QRFP: variants seen among roughly 807,000 people sequenced by gnomAD.
The protein encoded by QRFP is pyroglutamylated RFamide peptide, also known as orexigenic neuropeptide QRFP.
A neutral mutation model predicts 9.1 loss-of-function variants in QRFP; 7 were observed. That is an observed-to-expected ratio of 0.77 (90% CI 0.44 to 1.45). The LOEUF (loss-of-function observed/expected upper bound fraction) is 1.45. Ranked by LOEUF, QRFP falls within the 40% of genes most tolerant of loss-of-function variation. QRFP has a pLI of 0.01. For synonymous variants in QRFP, 91 were observed against 80.2 expected (o/e 1.13, Z -0.72); for missense variants, 204 against 185.4 (o/e 1.10, Z -0.58).
Position 130,896,612 on chromosome 9 carries a change from G to A in QRFP, c.-321C>T, listed in dbSNP as rs1378982986. 4 of 152,258 alleles carry A rather than the reference G, an allele frequency of 2.6e-5. No homozygotes were observed. Among genetic ancestry groups the A allele is most frequent in the Non-Finnish European group, 5.9e-5 (4 of 68,074 alleles). The allele number at this position is 152,258 out of a possible 1,614,324, so 9.4% of individuals were successfully genotyped here. A position where few individuals can be genotyped will look rare whatever the true frequency, so the allele number is the denominator to read the frequency against. ...CGGCTGCTGGGGGATCAGAAGTCAT[G>A]GGAATAGAGAGCCTGTGGACACTTC... is the stretch of plus-strand genomic sequence containing the variant. On this transcript the variant is annotated 5_prime_UTR_variant, in exon 1 of 3. Transcript: ENST00000623824.
intron 2 of QRFP, among the ~76,000 whole-genome samples, chr9:130,894,895 G>A (rs540612381): frequency 5.3e-5 from 8 of 152,254 alleles, no homozygotes; most frequent in South Asian, 4.1e-4. Flanking sequence ...CAATGACCGC[G>A]GGGGAGCTGG....
chr9:130,893,430 A>G lies in QRFP; in HGVS notation c.409T>C (p.Ter137ArgextTer35). The G allele has an allele frequency of 2.5e-6, 4 of 1,578,234 alleles. No homozygotes were observed. Among genetic ancestry groups the G allele is most frequent in the Non-Finnish European group, 3.5e-6 (4 of 1,157,798 alleles). ...GGFSFRFGRR[*>R] is the part of the protein sequence containing the mutation. The stretch of plus-strand genomic sequence containing the variant: ...TCCTTCCAAGGCGTCCTGGCCCTTC[A>G]CCGCCGACCGAAGCGGAAGCTGAAG... Residue 137 changes from the stop codon to arginine (R), a stop_lost, in exon 3 of 3, where the codon TGA becomes CGA. Coordinates refer to ENST00000623824, the MANE Select transcript of QRFP (RefSeq NM_198180.3).
In QRFP at chr9:130,895,777, G is replaced by A. The variant is rs11244179; in HGVS notation, c.-81C>T. 29,513 of 152,754 alleles carry A rather than the reference G, an allele frequency of 0.19. 3,464 individuals are homozygous for A. Among genetic ancestry groups the A allele is most frequent in the East Asian group, 0.48 (2,478 of 5,174 alleles). 9.5% of individuals were successfully genotyped at this position (152,754 alleles called of 1,614,324 possible). On this transcript the variant is annotated 5_prime_UTR_variant, in exon 2 of 3. Transcript: ENST00000623824. ...GCTGGGCTGGGCAGAGCTGCTCTGG[G>A]TCCTCGTCCAGGAGGCATGGCCCCT... is the stretch of plus-strand genomic sequence containing the variant.
At chr9:130,894,650 A>C (rs1454371460) in intron 2 of QRFP, among the ~76,000 whole-genome samples, 5 of 152,124 alleles carry the variant, frequency 3.3e-5, no homozygotes, top group Non-Finnish European at 7.4e-5. Context: ...CTCCTATTTC[A>C]CAGGGGTGGT....
rs758637478 is a variant in QRFP at position 130,893,502 on chromosome 9, C to G, written c.337G>C (p.Gly113Arg). ...AAGEKTSGPL[G>R]NLAEELNGYS... ...CCATTGAGCTCCTCAGCCAGGTTCC[C>G]TAACGGGCCGCTGGTCTTCTCCCCC... Residue 113 changes from glycine (G) to arginine (R), a missense_variant, in exon 3 of 3, where the codon GGG becomes CGG. Gly to Arg is a moderately radical substitution (Grantham distance 125, BLOSUM62 -2). Transcript: ENST00000623824. 3.1e-6 allele frequency: 5 copies of G among 1,611,282 alleles called. No individual in the cohort carries two copies. The highest frequency in any genetic ancestry group is 4.2e-6 in the Non-Finnish European group (5 of 1,178,570).
chr9:130,893,371 A>C lies in QRFP; in HGVS notation c.*57T>G. The C allele has an allele frequency of 2.7e-6, 4 of 1,495,162 alleles. No individual in the cohort carries two copies. The highest frequency in any genetic ancestry group is 3.6e-6 in the Non-Finnish European group (4 of 1,112,854). The allele number at this position is 1,495,162 out of a possible 1,614,324, so 92.6% of individuals were successfully genotyped here. ...CTTTGAGACTGGGGGAGAAGGCAGG[A>C]GTGAAGACAATGGGGGTGAGTCCAA... On this transcript the variant is annotated 3_prime_UTR_variant, in exon 3 of 3. Coordinates refer to ENST00000623824, the MANE Select transcript of QRFP (RefSeq NM_198180.3).
chr9:130,895,546 C>A (rs1001753442), intron 2 of QRFP, among the ~76,000 whole-genome samples, 151 bp downstream of exon 2: 1 of 152,250 alleles, frequency 6.6e-6, no homozygotes, highest in Non-Finnish European at 1.5e-5. Flanking sequence ...ATCTGTGCTG[C>A]TCTGGGCTGT....
chr9:130,893,819 AG>A lies in QRFP; in HGVS notation c.19del (p.Leu7Ter). 6.5e-7 allele frequency: 1 copy of A among 1,544,902 alleles called. No homozygotes were observed. The highest frequency in any genetic ancestry group is 2.3e-5 in the East Asian group (1 of 43,878). MVRPYP[L>X]IYFLFLPLGA... ...CAGCGGCAGGAAGAGGAAGTAGATC[AG>A]GGGGTAAGGCCTTACCATCTGACCC... On this transcript the variant is annotated frameshift_variant, in exon 3 of 3. Coordinates refer to ENST00000623824, the MANE Select transcript of QRFP (RefSeq NM_198180.3). LOFTEE classifies it high-confidence loss of function.
intron 2 of QRFP, among the ~76,000 whole-genome samples, chr9:130,894,832 G>T (rs929496480): frequency 1.3e-5 from 2 of 152,106 alleles, no homozygotes; most frequent in African/African-American, 4.8e-5. Flanking sequence ...CTCCTGTAAT[G>T]AACCTGCCTT....
chr9:130,894,646 T>C (rs1831733341), intron 2 of QRFP, among the ~76,000 whole-genome samples: 1 of 152,144 alleles, frequency 6.6e-6, no homozygotes, highest in African/African-American at 2.4e-5. Flanking sequence ...AACCCTCCTA[T>C]TTCACAGGGG....
intron 1 of QRFP, among the ~76,000 whole-genome samples, chr9:130,896,261 C>T (rs1051494323): frequency 1.3e-5 from 2 of 152,230 alleles, no homozygotes; most frequent in African/African-American, 2.4e-5. Context: ...TGCACCTCCC[C>T]GGCAGGTGGA....
Position 130,893,760 on chromosome 9 carries a change from G to A in QRFP, c.79C>T (p.Pro27Ser), listed in dbSNP as rs752958899. Residue 27 changes from proline to serine, a missense_variant, in exon 3 of 3, where the codon CCC becomes TCC. Physicochemically the swap from Pro to Ser is moderately conservative, Grantham distance 74. Coordinates refer to ENST00000623824, the MANE Select transcript of QRFP (RefSeq NM_198180.3). ...CCGAGGCCACCCATGGCGTCTGTGG[G>A]CTCTCTTCTGTCCAGTAGAGGGAAG... The part of the protein sequence containing the change: ...ACFPLLDRRE[P>S]TDAMGGLGAG... 6.2e-7 allele frequency: 1 copy of A among 1,606,094 alleles called. No homozygotes were observed. Among genetic ancestry groups the A allele is most frequent in the Non-Finnish European group, 8.5e-7 (1 of 1,176,742 alleles).
Position 130,893,315 on chromosome 9 carries a change from A to T in QRFP, c.*113T>A, listed in dbSNP as rs1335615925. ...TGTCCTACCATGGATCGTTCATCGT[A>T]ACCAAGCCTACATCATCTGGGTGTC... On this transcript the variant is annotated 3_prime_UTR_variant, in exon 3 of 3. Coordinates refer to ENST00000623824, the MANE Select transcript of QRFP (RefSeq NM_198180.3). The T allele has an allele frequency of 8.5e-7, 1 of 1,183,082 alleles. No individual in the cohort carries two copies. Among genetic ancestry groups the T allele is most frequent in the African/African-American group, 1.5e-5 (1 of 65,158 alleles). 73.3% of individuals were successfully genotyped at this position (1,183,082 alleles called of 1,614,324 possible).
Position 130,893,819 on chromosome 9 carries a change from A to AG in QRFP, c.19dup (p.Leu7ProfsTer90), listed in dbSNP as rs2133051305. ...CAGCGGCAGGAAGAGGAAGTAGATC[A>AG]GGGGGTAAGGCCTTACCATCTGACC... On this transcript the variant is annotated frameshift_variant, in exon 3 of 3. Coordinates refer to ENST00000623824, the MANE Select transcript of QRFP (RefSeq NM_198180.3). LOFTEE classifies it high-confidence loss of function. 9 of 1,544,902 alleles carry AG rather than the reference A, an allele frequency of 5.8e-6. No individual in the cohort carries two copies. Among genetic ancestry groups the AG allele is most frequent in the Non-Finnish European group, 7.9e-6 (9 of 1,145,942 alleles).
intron 2 of QRFP, 85 bp from the exon 3 acceptor site, chr9:130,893,923 G>GGCA (rs1161539771): frequency 7.4e-7 from 1 of 1,358,616 alleles, no homozygotes; most frequent in Admixed American, 2.5e-5. Context: ...GGGACAGGCT[G>GGCA]GCAGCGTAGA....
intron 2 of QRFP, among the ~76,000 whole-genome samples, chr9:130,894,399 C>T (rs7034278): frequency 0.062 from 9,464 of 152,180 alleles, 339 homozygotes; most frequent in Middle Eastern, 0.13. Context: ...CCACTGGGGC[C>T]TGGGCACCGT....
chr9:130,893,761 C>T lies in QRFP; in HGVS notation c.78G>A (p.Glu26=), dbSNP rs1417010583. ...CGAGGCCACCCATGGCGTCTGTGGG[C>T]TCTCTTCTGTCCAGTAGAGGGAAGC... The part of the protein sequence containing the change: ...GACFPLLDRR[E]PTDAMGGLGA... The change falls in exon 3 of 3, where the codon GAG becomes GAA. Residue 26 remains glutamate, a synonymous_variant. Transcript: ENST00000623824. 1 of 1,606,406 alleles carries T rather than the reference C, an allele frequency of 6.2e-7. No homozygotes were observed. The highest frequency in any genetic ancestry group is 1.1e-5 in the South Asian group (1 of 90,608).
At position 130,892,893 on chromosome 9, in the gene QRFP, GC is replaced by G. The variant is rs1324980070; in HGVS notation, c.*534del. On this transcript the variant is annotated 3_prime_UTR_variant, in exon 3 of 3. Transcript: ENST00000623824. The stretch of plus-strand genomic sequence containing the variant: ...CGGTCAGAGGGGCAGGCAAACCACA[GC>G]AGGGGCTTCTTGCCAGGGGGATCTT... The G allele has an allele frequency of 6.6e-6, 1 of 152,392 alleles. No individual in the cohort carries two copies. Among genetic ancestry groups the G allele is most frequent in the Non-Finnish European group, 1.5e-5 (1 of 68,158 alleles). 9.4% of individuals were successfully genotyped at this position (152,392 alleles called of 1,614,324 possible).
intron 2 of QRFP, among the ~76,000 whole-genome samples, chr9:130,894,456 T>TC (rs2133051830): frequency 6.6e-6 from 1 of 152,280 alleles, no homozygotes; most frequent in East Asian, 1.9e-4. Context: ...TGATTGTACT[T>TC]CATCTTCATA....
Sources: gnomAD v4.1 joint callset for allele counts (sites outside exome capture counted in the v4.1 genomes callset) on GRCh38, gnomAD v4.1.1 for gene constraint, MANE v1.5 for transcripts, NCBI Gene and HGNC (gene_info 2026-07-23, HGNC 2026-07-21) for gene names.